YEATS2: variants seen among roughly 807,000 people sequenced by gnomAD.
YEATS2 encodes the protein YEATS domain-containing protein 2.
Under a neutral mutation model 163.2 loss-of-function variants are expected in YEATS2, and 77 were observed. The ratio of observed to expected loss-of-function variants is 0.47; its 90% CI spans 0.39 to 0.57. The LOEUF (loss-of-function observed/expected upper bound fraction) is 0.57, where lower values mean the gene tolerates loss of function less well. Among genes scored for constraint, YEATS2 ranks in the 20% least tolerant of loss-of-function variants. YEATS2 has a pLI of 0.00. For missense variants in YEATS2, 1,549 were observed against 1,729.8 expected (o/e 0.90, Z 1.85); for synonymous variants, 631 against 645.1 (o/e 0.98, Z 0.33).
chr3:183,722,520 A>C (rs978855835), intron 5 of YEATS2, among the ~76,000 whole-genome samples: 1 of 151,986 alleles, frequency 6.6e-6, no homozygotes, highest in African/African-American at 2.4e-5. Flanking sequence ...CGATCTCCTG[A>C]CCTCGTGATC....
chr3:183,767,028 T>C (rs1355562950), intron 15 of YEATS2, among the ~76,000 whole-genome samples: 1 of 152,216 alleles, frequency 6.6e-6, no homozygotes, highest in Non-Finnish European at 1.5e-5. Context: ...TACAGTCTTA[T>C]TTAAGAGGTC....
rs1716046424 is a variant in YEATS2 at position 183,717,718 on chromosome 3, T to A, written c.168T>A (p.Asn56Lys). The change falls in exon 3 of 31, where the codon AAT (asparagine) becomes AAA (lysine). Residue 56 changes from asparagine (N) to lysine (K), a missense_variant. By Grantham distance (94) the Asn-to-Lys change is moderately conservative. Coordinates refer to ENST00000305135, the MANE Select transcript of YEATS2 (RefSeq NM_018023.5). ...AACAGTTTGCTCTTGAAATGAAGAATAAGGAACATGAAATTGAAGTCATTG... is the reference window on the plus strand; with the variant it reads ...AACAGTTTGCTCTTGAAATGAAGAAAAAGGAACATGAAATTGAAGTCATTG... ...IKEQFALEMK[N>K]KEHEIEVIDQ... is the part of the protein sequence containing the mutation. 3 of 1,562,306 alleles carry A rather than the reference T, an allele frequency of 1.9e-6. No homozygotes were observed. The highest frequency in any genetic ancestry group is 1.2e-5 in the South Asian group (1 of 80,126).
At chr3:183,714,907 T>C (rs1186737931) in intron 1 of YEATS2, among the ~76,000 whole-genome samples, 1 of 151,778 alleles carries the variant, frequency 6.6e-6, no homozygotes, top group South Asian at 2.1e-4. Flanking sequence ...CAGATGATTA[T>C]GATTTCTTTT....
In YEATS2 at chr3:183,715,238, C is replaced by T. The variant is rs758315978; in HGVS notation, c.76C>T (p.Arg26Trp). ...TGTATCTGTGGCCCTTCCAAATAAG[C>T]GGCATAAAGCAATTGAGAATTCAGG... is the stretch of plus-strand genomic sequence containing the variant. ...EDVSVALPNK[R>W]HKAIENSARD... The change falls in exon 2 of 31, where the codon CGG becomes TGG. Residue 26 changes from arginine (R) to tryptophan (W), a missense_variant. Coordinates refer to ENST00000305135, the MANE Select transcript of YEATS2 (RefSeq NM_018023.5). 1.7e-5 allele frequency: 27 copies of T among 1,609,004 alleles called. No individual in the cohort carries two copies. The highest frequency in any genetic ancestry group is 3.3e-4 in the Middle Eastern group (2 of 6,058).
chr3:183,785,669 T>C (rs1330407164), intron 19 of YEATS2, among the ~76,000 whole-genome samples: 1 of 151,816 alleles, frequency 6.6e-6, no homozygotes, highest in Admixed American at 6.6e-5. Flanking sequence ...AAAAATAAAA[T>C]AAAATAAAAA....
At chr3:183,732,710 C>T (rs1367478185) in intron 7 of YEATS2, among the ~76,000 whole-genome samples, 1 of 151,732 alleles carries the variant, frequency 6.6e-6, no homozygotes, top group Non-Finnish European at 1.5e-5. Flanking sequence ...CAGGCGCCCG[C>T]CACCACTCCC....
intron 21 of YEATS2, chr3:183,793,374 A>G: frequency 9.2e-7 from 1 of 1,088,756 alleles, no homozygotes; most frequent in South Asian, 2.5e-5. Context: ...CCCTGTTAAA[A>G]TTGACCAACT....
At chr3:183,747,887 C>A (rs1248788272) in intron 9 of YEATS2, among the ~76,000 whole-genome samples, 171 bp downstream of exon 9, 3 of 151,930 alleles carry the variant, frequency 2.0e-5, no homozygotes, top group Admixed American at 6.6e-5. Context: ...TCAAGTGATT[C>A]TCCTACCTCA....
At chr3:183,746,497 G>C (rs1429568207) in intron 8 of YEATS2, among the ~76,000 whole-genome samples, 1 of 152,080 alleles carries the variant, frequency 6.6e-6, no homozygotes, top group Non-Finnish European at 1.5e-5. Flanking sequence ...TGTATGCTTT[G>C]TTTTCCAGTT....
intron 12 of YEATS2, among the ~76,000 whole-genome samples, chr3:183,757,821 A>C (rs530453379): frequency 2.0e-5 from 3 of 150,466 alleles, no homozygotes; most frequent in Non-Finnish European, 4.4e-5. Context: ...GTAATTGTGG[A>C]ATGCCCTTAA....
intron 21 of YEATS2, among the ~76,000 whole-genome samples, chr3:183,795,795 T>C (rs914205741): frequency 6.6e-6 from 1 of 152,128 alleles, no homozygotes; most frequent in African/African-American, 2.4e-5. Context: ...TTCAGATCAT[T>C]GTTAAACTCC....
intron 7 of YEATS2, among the ~76,000 whole-genome samples, chr3:183,731,214 G>A (rs1466103151): frequency 6.6e-6 from 1 of 151,564 alleles, no homozygotes; most frequent in African/African-American, 2.4e-5. Context: ...CAGGAGAATG[G>A]CTTGAACCAG....
intron 1 of YEATS2, among the ~76,000 whole-genome samples, chr3:183,702,452 TAAA>T (rs1017598521): frequency 2.8e-4 from 41 of 148,932 alleles, no homozygotes; most frequent in African/African-American, 1.0e-3. Flanking sequence ...CTCAAAAAAT[TAAA>T]AAAATTACCT....
intron 1 of YEATS2, among the ~76,000 whole-genome samples, chr3:183,703,133 C>T (rs905562886): frequency 6.6e-6 from 1 of 152,136 alleles, no homozygotes; most frequent in Non-Finnish European, 1.5e-5. Context: ...TTTTGCTCAG[C>T]TCTTTACATG....
rs981500361 is a variant in YEATS2, at chr3:183,698,012, A to C, written c.-20+19A>C. The C allele has an allele frequency of 1.3e-5, 2 of 151,708 alleles. No individual in the cohort carries two copies. Among genetic ancestry groups the C allele is most frequent in the African/African-American group, 4.8e-5 (2 of 41,310 alleles). 9.4% of individuals were successfully genotyped at this position (151,708 alleles called of 1,614,324 possible). The stretch of plus-strand genomic sequence containing the variant: ...AGAAAGGGTGAGTGTTGGCGGGCGC[A>C]GGAAGGGACCGGCCGGGAGCGCGCC... On this transcript the variant is annotated intron_variant, in intron 1 of 30. Coordinates refer to ENST00000305135, the MANE Select transcript of YEATS2 (RefSeq NM_018023.5).
intron 28 of YEATS2, 34 bp from the exon 29 acceptor site, chr3:183,807,996 G>A (rs766492300): frequency 9.1e-6 from 14 of 1,531,752 alleles, no homozygotes; most frequent in Non-Finnish European, 1.2e-5. Flanking sequence ...CTAAAGCAGC[G>A]ATACGAACAA....
intron 20 of YEATS2, among the ~76,000 whole-genome samples, chr3:183,788,567 G>T (rs1284611128): frequency 6.6e-6 from 1 of 152,188 alleles, no homozygotes; most frequent in Non-Finnish European, 1.5e-5. Context: ...CACTTAGGTT[G>T]ATTCCAAATC....
Position 183,772,442 on chromosome 3 carries a change from A to T in YEATS2, c.2085A>T (p.Gln695His), listed in dbSNP as rs753133483. ...TTGGGCCAAAGCAAGTTGTAACCCA[A>T]GGAGTTGCCAAAGCAATTGTGAGTG... is the stretch of plus-strand genomic sequence containing the variant. ...KAVGPKQVVT[Q>H]GVAKAIVSGG... Residue 695 changes from glutamine to histidine, a missense_variant, in exon 16 of 31, where the codon CAA (glutamine) becomes CAT (histidine). Physicochemically the swap from Gln to His is conservative, Grantham distance 24. Transcript: ENST00000305135. 3 of 1,614,208 alleles carry T rather than the reference A, an allele frequency of 1.9e-6. No individual in the cohort carries two copies. The South Asian group carries it at 3.3e-5, about 18-fold the overall frequency.
In YEATS2 at chr3:183,811,017, A is replaced by G. The variant is rs550109926; in HGVS notation, c.*434A>G. 3.4e-4 allele frequency: 62 copies of G among 182,780 alleles called. No individual in the cohort carries two copies. The South Asian group carries it at 6.8e-3, about 20-fold the overall frequency. 11.3% of individuals were successfully genotyped at this position (182,780 alleles called of 1,614,324 possible). On this transcript the variant is annotated 3_prime_UTR_variant, in exon 31 of 31. Transcript: ENST00000305135. ...CCAGTAGCTCCAGCAGTTACCCTGAAGAGAGATTGGGCTTCAGCCTTCAGC... is the reference window on the plus strand; with the variant it reads ...CCAGTAGCTCCAGCAGTTACCCTGAGGAGAGATTGGGCTTCAGCCTTCAGC...
Sources: gnomAD v4.1 joint callset for allele counts (sites outside exome capture counted in the v4.1 genomes callset) on GRCh38, gnomAD v4.1.1 for gene constraint, MANE v1.5 for transcripts, NCBI Gene and HGNC (gene_info 2026-07-23, HGNC 2026-07-21) for gene names.